Variants in COL28A1 observed in about 807,000 individuals in gnomAD.
The protein encoded by COL28A1 is collagen type XXVIII alpha 1 chain, also known as collagen alpha-1(XXVIII) chain.
A neutral mutation model predicts 150.2 loss-of-function variants in COL28A1; 161 were observed. That is an observed-to-expected ratio of 1.07 (90% CI 0.94 to 1.22). The LOEUF is 1.22. Among genes scored for constraint, COL28A1 ranks in the 50% most tolerant of loss-of-function variants. The pLI is 0.00. For synonymous variants in COL28A1, 552 were observed against 469.7 expected (o/e 1.18, Z -2.26); for missense variants, 1,617 against 1,388.3 (o/e 1.16, Z -2.62).
At chr7:7,390,527 C>G (rs1179182612) in intron 27 of COL28A1, among the ~76,000 whole-genome samples, 1 of 152,082 alleles carries the variant, frequency 6.6e-6, no homozygotes, top group Non-Finnish European at 1.5e-5. Flanking sequence ...AGGGAGGAGT[C>G]CCTCTTTTTC....
intron 27 of COL28A1, among the ~76,000 whole-genome samples, chr7:7,410,991 C>G (rs923347460): frequency 6.6e-6 from 1 of 152,132 alleles, no homozygotes; most frequent in African/African-American, 2.4e-5. Flanking sequence ...AAGGTTCATT[C>G]TAACCACAAA....
At chr7:7,338,931 C>T in the COL28A1 span, among the ~76,000 whole-genome samples, 1 of 152,018 alleles carries the variant, frequency 6.6e-6, no homozygotes, top group Non-Finnish European at 1.5e-5. Flanking sequence ...GCCTTGTGAA[C>T]TAGCATGCTG....
In COL28A1 at chr7:7,432,871, G is replaced by A. The variant is rs368300411; in HGVS notation, c.1861-171C>T. Among the ~76,000 whole-genome samples, 31 of 152,146 alleles carry A rather than the reference G, an allele frequency of 2.0e-4. 2 individuals are homozygous for A. Among genetic ancestry groups the A allele is most frequent in the South Asian group, 6.2e-4 (3 of 4,816 alleles). On this transcript the variant is annotated intron_variant, in intron 23 of 34. Coordinates refer to ENST00000399429, the MANE Select transcript of COL28A1 (RefSeq NM_001037763.3). ...TAAAATTATAAATTTTTAGTGCATC[G>A]TAAATCAAGAAGAAGTATAAAAAAG...
intron 11 of COL28A1, among the ~76,000 whole-genome samples, chr7:7,500,799 C>A (rs923702600): frequency 6.6e-6 from 1 of 152,058 alleles, no homozygotes; most frequent in Non-Finnish European, 1.5e-5. Flanking sequence ...AAAATATATC[C>A]TTTGCTTGGG....
At chr7:7,362,100 A>G (rs1039806092) in intron 33 of COL28A1, among the ~76,000 whole-genome samples, 12 of 152,312 alleles carry the variant, frequency 7.9e-5, no homozygotes, top group African/African-American at 2.9e-4. Flanking sequence ...TGATGGGTGC[A>G]GCAAACCACC....
At chr7:7,422,790 A>T (rs1255341399) in intron 25 of COL28A1, among the ~76,000 whole-genome samples, 1 of 152,194 alleles carries the variant, frequency 6.6e-6, no homozygotes, top group Non-Finnish European at 1.5e-5. Context: ...AGTGTCCCCA[A>T]GTTCCTGCCG....
chr7:7,521,363 T>G lies in COL28A1; in HGVS notation c.759+542A>C, dbSNP rs367558017. Among the ~76,000 whole-genome samples, 34 of 152,338 alleles carry G rather than the reference T, an allele frequency of 2.2e-4. 1 individual carries two copies. Among genetic ancestry groups the G allele is most frequent in the African/African-American group, 7.2e-4 (30 of 41,584 alleles). On this transcript the variant is annotated intron_variant, in intron 5 of 34. Transcript: ENST00000399429. ...TATCTTATCAAACAATGAATCATCA[T>G]AGTCAATCCTGCCATTTATTTTTGG...
intron 33 of COL28A1, among the ~76,000 whole-genome samples, chr7:7,369,030 T>C (rs1224840938): frequency 1.3e-5 from 2 of 152,228 alleles, no homozygotes; most frequent in African/African-American, 2.4e-5. Context: ...ATACATGCTA[T>C]TGGAATTCAT....
At chr7:7,518,151 T>A (rs1250015130) in intron 6 of COL28A1, among the ~76,000 whole-genome samples, 1 of 152,174 alleles carries the variant, frequency 6.6e-6, no homozygotes, top group Non-Finnish European at 1.5e-5. Context: ...TTGGAGCCAG[T>A]CACTCTGGCT....
At chr7:7,489,257 G>A (rs1583489042) in intron 13 of COL28A1, 132 bp downstream of exon 13, 2 of 635,268 alleles carry the variant, frequency 3.1e-6, no homozygotes, top group Non-Finnish European at 5.6e-6. Flanking sequence ...GTGACAGTGA[G>A]ATTCCGTCTC....
chr7:7,368,491 C>G (rs757225118), intron 33 of COL28A1, among the ~76,000 whole-genome samples: 20 of 151,994 alleles, frequency 1.3e-4, no homozygotes, highest in Admixed American at 6.5e-4. Context: ...CTCTGTGATG[C>G]CTTATGTAAT....
Position 7,414,594 on chromosome 7 carries a change from C to T in COL28A1, c.2136+3265G>A, listed in dbSNP as rs548885904. 2.6e-3 allele frequency among the ~76,000 whole-genome samples: 394 copies of T among 152,262 alleles called. 1 individual carries two copies. The highest frequency in any genetic ancestry group is 9.0e-3 in the African/African-American group (373 of 41,548). On this transcript the variant is annotated intron_variant, in intron 27 of 34. Coordinates refer to ENST00000399429, the MANE Select transcript of COL28A1 (RefSeq NM_001037763.3). ...CAGCAGCCCTGGGTGGTCCCAGAGC[C>T]CCAGGAAAGGCCGGGGAAAGAAGTT...
Position 7,358,811 on chromosome 7 carries a change from G to A in COL28A1, c.3206-6C>T. 1 of 1,604,390 alleles carries A rather than the reference G, an allele frequency of 6.2e-7. No individual in the cohort carries two copies. Among genetic ancestry groups the A allele is most frequent in the Non-Finnish European group, 8.5e-7 (1 of 1,176,202 alleles). ...GGCTTCCAAACATCTAGGATCTAGA[G>A]TGAGAAAAGGAAAATGTGTCACGGA... On this transcript the variant is annotated splice_polypyrimidine_tract_variant and splice_region_variant and intron_variant, in intron 34 of 34. Transcript: ENST00000399429.
intron 13 of COL28A1, among the ~76,000 whole-genome samples, chr7:7,480,159 T>C (rs1424637413): frequency 1.3e-5 from 2 of 152,240 alleles, no homozygotes; most frequent in African/African-American, 2.4e-5. Flanking sequence ...TGCAGCATTA[T>C]ACTCATCAGT....
intron 18 of COL28A1, among the ~76,000 whole-genome samples, chr7:7,447,024 G>C (rs928142857): frequency 2.6e-5 from 4 of 152,190 alleles, no homozygotes; most frequent in African/African-American, 4.8e-5. Context: ...ACCAGGAATA[G>C]TGCCTATTTC....
intron 30 of COL28A1, among the ~76,000 whole-genome samples, chr7:7,378,086 G>A (rs1469235391): frequency 6.6e-6 from 1 of 152,092 alleles, no homozygotes; most frequent in Non-Finnish European, 1.5e-5. Flanking sequence ...TCCACCTAGA[G>A]ATGTCCACGG....
chr7:7,401,023 T>TACA (rs2128298946), intron 27 of COL28A1, among the ~76,000 whole-genome samples: 1 of 147,410 alleles, frequency 6.8e-6, no homozygotes, highest in Non-Finnish European at 1.5e-5. Flanking sequence ...TGTGTGTGTG[T>TACA]GTACAGCTCT....
chr7:7,379,562 A>C (rs1188052863), intron 30 of COL28A1, among the ~76,000 whole-genome samples: 1 of 152,124 alleles, frequency 6.6e-6, no homozygotes, highest in African/African-American at 2.4e-5. Context: ...CTCAGTTCCA[A>C]GAAGTAGCCT....
chr7:7,474,762 T>G, intron 14 of COL28A1, 93 bp from the exon 15 acceptor site: 1 of 744,020 alleles, frequency 1.3e-6, no homozygotes, highest in South Asian at 1.6e-5. Context: ...TGCTTCAAAA[T>G]TATTTTTTAA....
Sources: allele counts gnomAD v4.1 joint callset (sites outside exome capture counted in the v4.1 genomes callset), GRCh38; gene constraint gnomAD v4.1.1; transcripts MANE v1.5; gene names NCBI Gene and HGNC (gene_info 2026-07-23, HGNC 2026-07-21).